OTUD4: variants seen among roughly 807,000 people sequenced by gnomAD.
The protein encoded by OTUD4 is OTU domain-containing protein 4.
Under a neutral mutation model 130.4 loss-of-function variants are expected in OTUD4, and 24 were observed. That is an observed-to-expected ratio of 0.18 (90% CI 0.13 to 0.26). OTUD4 has a LOEUF of 0.26. Ranked by LOEUF, OTUD4 falls within the 10% of genes least tolerant of loss-of-function variation. The pLI, the probability that OTUD4 is intolerant of heterozygous loss-of-function variation, is 1.00. For missense variants in OTUD4, 1,031 were observed against 1,329.4 expected (o/e 0.78, Z 3.49); for synonymous variants, 420 against 472.5 (o/e 0.89, Z 1.44).
intron 20 of OTUD4, 30 bp from the exon 21 acceptor site, chr4:145,138,680 A>G (rs745756652): frequency 4.5e-6 from 7 of 1,557,862 alleles, no homozygotes; most frequent in Non-Finnish European, 6.0e-6. Flanking sequence ...TTAAATAAAC[A>G]AAAGAGGAGA....
chr4:145,178,138 A>C (rs900752092), intron 1 of OTUD4: 2 of 152,254 alleles, frequency 1.3e-5, no homozygotes, highest in African/African-American at 4.8e-5. Context: ...CTGATGTAAC[A>C]AAGAGTTCTT....
Position 145,142,390 on chromosome 4 carries a change from T to G in OTUD4, c.1684-56A>C, listed in dbSNP as rs1750608449. 6 of 1,524,118 alleles carry G rather than the reference T, an allele frequency of 3.9e-6. No individual in the cohort carries two copies. The African/African-American group carries it at 6.9e-5, about 17-fold the overall frequency. The allele number at this position is 1,524,118 out of a possible 1,614,324, so 94.4% of individuals were successfully genotyped here. On this transcript the variant is annotated intron_variant, in intron 17 of 20. Transcript: ENST00000447906. Reference sequence around the variant, plus strand: ...GAAAAAGACAAGAGGTCATTTTGCTTTAACACTATTTCTAACCACCAGATA... The same window carrying G: ...GAAAAAGACAAGAGGTCATTTTGCTGTAACACTATTTCTAACCACCAGATA...
In OTUD4 at chr4:145,170,577, T is replaced by C. The variant is rs116345282; in HGVS notation, c.294+1093A>G. Among the ~76,000 whole-genome samples, 694 of 152,352 alleles carry C rather than the reference T, an allele frequency of 4.6e-3. 6 individuals are homozygous for C. Among genetic ancestry groups the C allele is most frequent in the African/African-American group, 0.016 (657 of 41,576 alleles). On this transcript the variant is annotated intron_variant, in intron 3 of 20. Coordinates refer to ENST00000447906, the MANE Select transcript of OTUD4 (RefSeq NM_001366057.1). The stretch of plus-strand genomic sequence containing the variant: ...TTGTGACAAATCTCCTTTTCTAGCT[T>C]GTATTGACCTTCTTTCCTATGATAG...
intron 7 of OTUD4, 142 bp downstream of exon 7, chr4:145,159,361 A>C: frequency 2.0e-6 from 3 of 1,511,128 alleles, no homozygotes; most frequent in Non-Finnish European, 2.6e-6. Flanking sequence ...GGGATAAAGA[A>C]ACTTCAGCAG....
chr4:145,145,364 A>G (rs979092648), intron 14 of OTUD4, among the ~76,000 whole-genome samples: 8 of 152,138 alleles, frequency 5.3e-5, no homozygotes, highest in African/African-American at 1.7e-4. Flanking sequence ...AATAATTCCT[A>G]AACTCCAATG....
intron 6 of OTUD4, among the ~76,000 whole-genome samples, chr4:145,161,267 T>C (rs1291555906): frequency 6.6e-6 from 1 of 152,020 alleles, no homozygotes; most frequent in African/African-American, 2.4e-5. Context: ...GCACTTAGAA[T>C]CACAGGAAAG....
rs752054733 is a variant in OTUD4 at position 145,164,199 on chromosome 4, T to C, written c.369A>G (p.Pro123=). ...CTGTTACTTGTGAAGGAGAAACATT[T>C]GGTTCCCGATAAATTATAAAATCTT... ...YRKDFIIYRE[P]NVSPSQVTEN... is the part of the protein sequence containing the mutation. The change falls in exon 5 of 21, where the codon CCA becomes CCG. Residue 123 remains proline (P), a synonymous_variant. Transcript: ENST00000447906. The C allele has an allele frequency of 1.4e-6, 2 of 1,421,046 alleles. No individual in the cohort carries two copies. Among genetic ancestry groups the C allele is most frequent in the South Asian group, 2.5e-5 (2 of 80,284 alleles). 88.0% of individuals were successfully genotyped at this position (1,421,046 alleles called of 1,614,324 possible).
intron 7 of OTUD4, among the ~76,000 whole-genome samples, chr4:145,158,600 T>C (rs1160776650): frequency 6.6e-6 from 1 of 152,218 alleles, no homozygotes; most frequent in Non-Finnish European, 1.5e-5. Flanking sequence ...TAAGTTCCAT[T>C]TCTATCTCTA....
At chr4:145,166,077 C>T (rs1751856805) in intron 3 of OTUD4, among the ~76,000 whole-genome samples, 1 of 151,738 alleles carries the variant, frequency 6.6e-6, no homozygotes, top group Admixed American at 6.6e-5. Context: ...AGGAGAATCG[C>T]TTGAACCCAG....
At chr4:145,170,262 A>C (rs1752092423) in intron 3 of OTUD4, among the ~76,000 whole-genome samples, 1 of 152,186 alleles carries the variant, frequency 6.6e-6, no homozygotes, top group South Asian at 2.1e-4. Flanking sequence ...CATAAGCTCC[A>C]AACCACTGAC....
rs934463322 is a variant in OTUD4, at chr4:145,134,109, C to A, written c.*3321G>T. The A allele has an allele frequency of 6.6e-6, 1 of 152,478 alleles. No individual in the cohort carries two copies. The highest frequency in any genetic ancestry group is 2.4e-5 in the African/African-American group (1 of 41,392). 9.4% of individuals were successfully genotyped at this position (152,478 alleles called of 1,614,324 possible). A position where few individuals can be genotyped will look rare whatever the true frequency, so the allele number is the denominator to read the frequency against. ...CTAAGATTTTCTAAAACTTGTATTT[C>A]GGGGAGAAAGACCTCTTTTAAAAAA... On this transcript the variant is annotated 3_prime_UTR_variant, in exon 21 of 21. Transcript: ENST00000447906.
intron 17 of OTUD4, among the ~76,000 whole-genome samples, chr4:145,142,803 A>G (rs1372270257): frequency 5.3e-5 from 8 of 152,266 alleles, no homozygotes; most frequent in African/African-American, 1.2e-4. Flanking sequence ...TTTCTTACCA[A>G]TATGAAGAAT....
At position 145,137,493 on chromosome 4, in the gene OTUD4, T is replaced by C; in HGVS notation, c.3282A>G (p.Arg1094=). 1 of 1,612,170 alleles carries C rather than the reference T, an allele frequency of 6.2e-7. No homozygotes were observed. Among genetic ancestry groups the C allele is most frequent in the Non-Finnish European group, 8.5e-7 (1 of 1,178,602 alleles). Residue 1094 remains arginine (R), a synonymous_variant, in exon 21 of 21, where the codon CGA becomes CGG. Transcript: ENST00000447906. ...GYQYHRNVRG[R]PFRGDRRRSG... ...ATCTCCTCCTATCTCCCCTAAATGG[T>C]CGCCCTCTGACATTTCGATGGTACT...
Position 145,137,604 on chromosome 4 carries a change from G to A in OTUD4, c.3171C>T (p.Gly1057=). 1 of 1,613,256 alleles carries A rather than the reference G, an allele frequency of 6.2e-7. No homozygotes were observed. Among genetic ancestry groups the A allele is most frequent in the Non-Finnish European group, 8.5e-7 (1 of 1,179,818 alleles). The change falls in exon 21 of 21, where the codon GGC becomes GGT. Residue 1057 remains glycine (G), a synonymous_variant. Transcript: ENST00000447906. The part of the protein sequence containing the change: ...YGSRKYKSDW[G]YSGRGGYQHV... The stretch of plus-strand genomic sequence containing the variant: ...GTTGATATCCACCCCTACCAGAATA[G>A]CCCCAATCACTTTTGTACTTCCTGC...
chr4:145,170,197 G>A (rs973923828), intron 3 of OTUD4, among the ~76,000 whole-genome samples: 11 of 152,232 alleles, frequency 7.2e-5, no homozygotes, highest in African/African-American at 2.7e-4. Context: ...TGCACATCAA[G>A]TGATTTTGAT....
intron 10 of OTUD4, among the ~76,000 whole-genome samples, chr4:145,153,965 T>C (rs139991520): frequency 1.4e-3 from 219 of 152,296 alleles, no homozygotes; most frequent in African/African-American, 5.0e-3. Context: ...TCCAAAAGAA[T>C]GGTCAAGTAG....
rs1441965403 is a variant in OTUD4, at chr4:145,135,495, C to T, written c.*1935G>A. The T allele has an allele frequency of 6.6e-6, 1 of 152,150 alleles. No individual in the cohort carries two copies. 9.4% of individuals were successfully genotyped at this position (152,150 alleles called of 1,614,324 possible). On this transcript the variant is annotated 3_prime_UTR_variant, in exon 21 of 21. Transcript: ENST00000447906. ...GTGATTTTCATTAAAATCAGGTAAGCTAGTCCTACATAAAAAAGCATGAGC... is the reference window on the plus strand; with the variant it reads ...GTGATTTTCATTAAAATCAGGTAAGTTAGTCCTACATAAAAAAGCATGAGC...
intron 13 of OTUD4, among the ~76,000 whole-genome samples, chr4:145,148,831 G>T (rs2126757437): frequency 6.6e-6 from 1 of 152,244 alleles, no homozygotes. Context: ...AACATTCAAA[G>T]TAAGTTAATA....
intron 3 of OTUD4, among the ~76,000 whole-genome samples, chr4:145,166,898 A>G (rs1367749199): frequency 6.6e-6 from 1 of 152,232 alleles, no homozygotes; most frequent in Admixed American, 6.5e-5. Context: ...ATTCAAAAGA[A>G]TGAGGTATAA....
Sources: gnomAD v4.1 joint callset for allele counts (sites outside exome capture counted in the v4.1 genomes callset) on GRCh38, gnomAD v4.1.1 for gene constraint, MANE v1.5 for transcripts, NCBI Gene and HGNC (gene_info 2026-07-23, HGNC 2026-07-21) for gene names.